Variants in MBP observed in about 807,000 individuals in gnomAD.
MBP encodes Golli-MBP.
A neutral mutation model predicts 35.8 loss-of-function variants in MBP; 16 were observed. That is an observed-to-expected ratio of 0.45 (90% CI 0.30 to 0.68). MBP has a LOEUF of 0.68. MBP is among the 30% of genes least tolerant of loss of function. The pLI is 0.08. For missense variants in MBP, 380 were observed against 404.7 expected, an observed-to-expected ratio of 0.94 and a Z score of 0.52; for synonymous variants, 143 against 159.6, an observed-to-expected ratio of 0.90 and a Z score of 0.78.
Position 76,986,063 on chromosome 18 carries a change from A to G in MBP, c.751-1169T>C. 3 of 985,608 alleles carry G rather than the reference A, an allele frequency of 3.0e-6. No individual in the cohort carries two copies. The South Asian group carries it at 1.4e-4, about 46-fold the overall frequency. 61.1% of individuals were successfully genotyped at this position (985,608 alleles called of 1,614,324 possible). Reference sequence around the variant, plus strand: ...AGGAAGGGAAGGAGCTCGCTGTGGGAGTCTGGGCGCGGTGGACGTTAACAA... The same window carrying G: ...AGGAAGGGAAGGAGCTCGCTGTGGGGGTCTGGGCGCGGTGGACGTTAACAA... On this transcript the variant is annotated intron_variant, in intron 7 of 8. Coordinates refer to ENST00000355994, the MANE Select transcript of MBP (RefSeq NM_001025101.2).
At chr18:77,009,960 C>T (rs368554984) in intron 4 of MBP, 28 of 1,477,864 alleles carry the variant, frequency 1.9e-5, no homozygotes, top group South Asian at 4.8e-5. Context: ...TGCGTGAGTC[C>T]GGGTGGGCGC....
intron 4 of MBP, among the ~76,000 whole-genome samples, chr18:77,002,554 G>C (rs187154147): frequency 2.8e-5 from 4 of 142,692 alleles, no homozygotes; most frequent in African/African-American, 1.0e-4. Context: ...AGAAAGCAAG[G>C]CGTCTTGGTT....
rs146288039 is a variant in MBP, at chr18:77,073,577, C to T, written c.52-7192G>A. ...AATCCTTTAGAACTGTCAGTAGCTA[C>T]GCCAGTGCCCTGCTCCGCAGGGAGA... is the stretch of plus-strand genomic sequence containing the variant. On this transcript the variant is annotated intron_variant, in intron 2 of 8. Coordinates refer to ENST00000355994, the MANE Select transcript of MBP (RefSeq NM_001025101.2). Among the ~76,000 whole-genome samples the T allele has an allele frequency of 2.9e-3, 438 of 152,342 alleles. 2 individuals are homozygous for T. Among genetic ancestry groups the T allele is most frequent in the Non-Finnish European group, 4.8e-3 (327 of 68,032 alleles).
At chr18:77,030,333 C>CT (rs959388215) in intron 3 of MBP, among the ~76,000 whole-genome samples, 10 of 152,194 alleles carry the variant, frequency 6.6e-5, no homozygotes, top group Non-Finnish European at 1.3e-4. Flanking sequence ...CGTAGGGACT[C>CT]TGTGTGGAAA....
intron 4 of MBP, among the ~76,000 whole-genome samples, chr18:77,000,142 T>G (rs1255693806): frequency 6.6e-6 from 1 of 152,212 alleles, no homozygotes; most frequent in Non-Finnish European, 1.5e-5. Flanking sequence ...ACCTGATTTT[T>G]AAAAACTAAT....
At chr18:77,012,391 C>T (rs2088967027) in intron 4 of MBP, among the ~76,000 whole-genome samples, 1 of 152,226 alleles carries the variant, frequency 6.6e-6, no homozygotes, top group African/African-American at 2.4e-5. Flanking sequence ...GTCCACCCTC[C>T]CTAACATTTG....
intron 4 of MBP, chr18:77,015,241 ATCTTT>A: frequency 2.0e-6 from 2 of 984,566 alleles, no homozygotes; most frequent in Non-Finnish European, 2.4e-6. Flanking sequence ...CAGTGATTTC[ATCTTT>A]TCTGCACAGT....
intron 2 of MBP, among the ~76,000 whole-genome samples, chr18:77,100,508 GGTGTGTGTGTGTGTGTGT>G (rs57715344): frequency 9.7e-5 from 13 of 133,604 alleles, no homozygotes; most frequent in Admixed American, 3.5e-4. Context: ...TAGAATTTGG[GGTGTGTGTGTGTGTGTGT>G]GTGTGTGTGT....
chr18:77,018,856 TCATCCATCTATCCATCCATCCATC>T (rs1971836510), intron 3 of MBP, among the ~76,000 whole-genome samples: 1 of 96,450 alleles, frequency 1.0e-5, no homozygotes, highest in African/African-American at 4.0e-5. Flanking sequence ...ATCCATCCAC[TCATCCATCTATCCATCCATCCATC>T]CATCCATCCA....
intron 1 of MBP, among the ~76,000 whole-genome samples, chr18:77,121,309 C>CA (rs11331748): frequency 0.062 from 8,899 of 143,580 alleles, 407 homozygotes; most frequent in East Asian, 0.18. Context: ...GACTGTGTCT[C>CA]AAAAAAAAAA....
At chr18:76,992,930 G>A (rs1482982444) in intron 4 of MBP, among the ~76,000 whole-genome samples, 1 of 152,190 alleles carries the variant, frequency 6.6e-6, no homozygotes, top group Non-Finnish European at 1.5e-5. Flanking sequence ...TGGGCCTTGT[G>A]CAGGGTCCTT....
chr18:77,126,953 T>C (rs1273255650), intron 1 of MBP, among the ~76,000 whole-genome samples: 1 of 152,240 alleles, frequency 6.6e-6, no homozygotes, highest in African/African-American at 2.4e-5. Context: ...AGTAGAACTA[T>C]TAATTCTCCC....
At chr18:77,058,815 T>TA (rs1383970197) in intron 3 of MBP, among the ~76,000 whole-genome samples, 6 of 152,260 alleles carry the variant, frequency 3.9e-5, no homozygotes, top group Non-Finnish European at 8.8e-5. Flanking sequence ...AGAAGGCCAC[T>TA]GCCAGGCCTT....
chr18:77,118,730 C>T (rs963126182), intron 1 of MBP, among the ~76,000 whole-genome samples: 3 of 149,702 alleles, frequency 2.0e-5, no homozygotes, highest in East Asian at 3.9e-4. Context: ...ATACCACACA[C>T]ACCCTTCACA....
chr18:77,011,665 C>T (rs1021701127), intron 4 of MBP, among the ~76,000 whole-genome samples: 19 of 152,230 alleles, frequency 1.2e-4, no homozygotes, highest in African/African-American at 4.6e-4. Flanking sequence ...AGAATAGCCT[C>T]TTAGGAGAAA....
At chr18:77,127,025 G>C (rs150958200) in intron 1 of MBP, among the ~76,000 whole-genome samples, 1 of 152,204 alleles carries the variant, frequency 6.6e-6, no homozygotes, top group East Asian at 1.9e-4. Context: ...ACCCATAAAC[G>C]CGCTATTCTA....
upstream of MBP, chr18:77,133,669 A>C (rs918230008): frequency 2.0e-5 from 3 of 152,056 alleles, no homozygotes. Flanking sequence ...CTTCCAGGGG[A>C]CCTGGAGCAG....
chr18:76,998,350 ACC>A (rs1568276033), intron 4 of MBP, among the ~76,000 whole-genome samples: 1,322 of 108,602 alleles, frequency 0.012, 22 homozygotes, highest in African/African-American at 0.044. Context: ...TCCACCTTCC[ACC>A]GTTAGGCTGA....
chr18:77,094,107 G>GC (rs1975658766), intron 2 of MBP, among the ~76,000 whole-genome samples: 1 of 151,942 alleles, frequency 6.6e-6, no homozygotes, highest in Non-Finnish European at 1.5e-5. Flanking sequence ...CTCCGGAGTA[G>GC]CTGGGATTAC....
Sources: allele counts gnomAD v4.1 joint callset (sites outside exome capture counted in the v4.1 genomes callset), GRCh38; gene constraint gnomAD v4.1.1; transcripts MANE v1.5; gene names NCBI Gene and HGNC (gene_info 2026-07-23, HGNC 2026-07-21).